LRCH1: variants seen among roughly 807,000 people sequenced by gnomAD.
The protein encoded by LRCH1 is leucine-rich repeat and calponin homology domain-containing protein 1.
Under a neutral mutation model 94.9 loss-of-function variants are expected in LRCH1, and 23 were observed. The observed-to-expected ratio is 0.24, with a 90% CI of 0.17 to 0.34. LRCH1 has a LOEUF of 0.34. Among genes scored for constraint, LRCH1 ranks in the 10% least tolerant of loss-of-function variants. The pLI is 1.00. For synonymous variants in LRCH1, 364 were observed against 354.9 expected, an observed-to-expected ratio of 1.03 and a Z score of -0.29; for missense variants, 790 against 945.9, an observed-to-expected ratio of 0.84 and a Z score of 2.16.
chr13:46,727,212 A>G (rs1872867043), intron 17 of LRCH1, among the ~76,000 whole-genome samples: 1 of 152,212 alleles, frequency 6.6e-6, no homozygotes, highest in Admixed American at 6.5e-5. Flanking sequence ...GGAAATTGGG[A>G]GCTGAAAAAT....
chr13:46,574,854 G>A (rs2050285210), intron 1 of LRCH1, among the ~76,000 whole-genome samples: 1 of 121,714 alleles, frequency 8.2e-6, no homozygotes, highest in Non-Finnish European at 1.7e-5. Context: ...TTTGGTGTAT[G>A]GGCTATTTAT....
chr13:46,657,390 A>AGATT (rs2051383098), intron 2 of LRCH1, among the ~76,000 whole-genome samples: 1 of 146,200 alleles, frequency 6.8e-6, no homozygotes, highest in East Asian at 2.0e-4. Flanking sequence ...AAAAAGAGAG[A>AGATT]TTTTTTTTTT....
chr13:46,562,073 T>G (rs188777996), intron 1 of LRCH1, among the ~76,000 whole-genome samples: 2 of 152,330 alleles, frequency 1.3e-5, no homozygotes, highest in East Asian at 3.9e-4. Flanking sequence ...AGAAAAACAT[T>G]GATGGATTAC....
intron 1 of LRCH1, among the ~76,000 whole-genome samples, chr13:46,589,255 C>G (rs1053522123): frequency 2.6e-5 from 4 of 152,002 alleles, no homozygotes; most frequent in African/African-American, 7.2e-5. Context: ...CCAGGCTGGT[C>G]TCAGACTCAA....
At chr13:46,592,841 A>G (rs550386583) in intron 1 of LRCH1, among the ~76,000 whole-genome samples, 31 of 152,138 alleles carry the variant, frequency 2.0e-4, no homozygotes, top group Non-Finnish European at 2.8e-4. Context: ...TTAGACTGAT[A>G]GATCCCTTCA....
intron 19 of LRCH1, among the ~76,000 whole-genome samples, chr13:46,735,136 A>T (rs78777164): frequency 0.012 from 1,450 of 124,520 alleles, 28 homozygotes; most frequent in African/African-American, 0.034. Context: ...GAAGCTTACA[A>T]ATTTATTTTT....
intron 1 of LRCH1, among the ~76,000 whole-genome samples, chr13:46,587,264 C>A (rs2050445793): frequency 6.6e-6 from 1 of 152,162 alleles, no homozygotes; most frequent in African/African-American, 2.4e-5. Flanking sequence ...ATATGTGGCA[C>A]ACTTTCTTCA....
chr13:46,734,274 G>T (rs564821054), intron 19 of LRCH1, among the ~76,000 whole-genome samples: 1 of 152,070 alleles, frequency 6.6e-6, no homozygotes, highest in Non-Finnish European at 1.5e-5. Context: ...ATTTTAATCC[G>T]CTTGATTCTC....
intron 1 of LRCH1, among the ~76,000 whole-genome samples, chr13:46,573,154 C>T (rs184626075): frequency 6.6e-6 from 1 of 152,210 alleles, no homozygotes; most frequent in Non-Finnish European, 1.5e-5. Flanking sequence ...TATTGTCACT[C>T]TCTCTTTCCA....
At chr13:46,719,816 G>T (rs564054491) in intron 16 of LRCH1, among the ~76,000 whole-genome samples, 1 of 151,940 alleles carries the variant, frequency 6.6e-6, no homozygotes, top group Admixed American at 6.6e-5. Flanking sequence ...TGGTCAACAT[G>T]GTGAAACCCT....
At chr13:46,614,335 G>A (rs1214146846) in intron 1 of LRCH1, among the ~76,000 whole-genome samples, 1 of 152,078 alleles carries the variant, frequency 6.6e-6, no homozygotes, top group Non-Finnish European at 1.5e-5. Flanking sequence ...GAATTCTGGG[G>A]GCCTTTTGTC....
intron 1 of LRCH1, among the ~76,000 whole-genome samples, chr13:46,594,603 G>GGA (rs898843286): frequency 6.6e-6 from 1 of 152,112 alleles, no homozygotes; most frequent in Non-Finnish European, 1.5e-5. Flanking sequence ...GAAGGTTGGT[G>GGA]GAGAGAGAGA....
exon 19 of LRCH1, chr13:46,750,722 G>C (rs1054425034): frequency 9.7e-7 from 1 of 1,029,544 alleles, no homozygotes; most frequent in Non-Finnish European, 1.5e-6. Flanking sequence ...CCAGGCACCT[G>C]TTCAACCCTC....
intron 1 of LRCH1, among the ~76,000 whole-genome samples, chr13:46,599,065 C>G (rs2050598253): frequency 6.6e-6 from 1 of 152,106 alleles, no homozygotes; most frequent in African/African-American, 2.4e-5. Flanking sequence ...CCCTAGGTAC[C>G]TTATATAAAT....
At chr13:46,749,083 AC>A (rs2138262678), downstream of LRCH1, among the ~76,000 whole-genome samples, 1 of 152,330 alleles carries the variant, frequency 6.6e-6, no homozygotes, top group African/African-American at 2.4e-5. Context: ...AGCAAGTGTC[AC>A]GTGGAAGGAA....
chr13:46,553,242 C>A lies in LRCH1; in HGVS notation c.-155C>A, dbSNP rs1231900534. ...CACGGCCGCCTCCCCGCCCGCCCCC[C>A]ATTCTACGCGCCTGCCCACACCCTC... On this transcript the variant is annotated 5_prime_UTR_variant, in exon 1 of 20. Transcript: ENST00000389797. 7.0e-6 allele frequency: 4 copies of A among 568,570 alleles called. No individual in the cohort carries two copies. The East Asian group carries it at 9.9e-5, about 14-fold the overall frequency. 35.2% of individuals were successfully genotyped at this position (568,570 alleles called of 1,614,324 possible). A position where few individuals can be genotyped will look rare whatever the true frequency, so the allele number is the denominator to read the frequency against.
chr13:46,573,853 TATATATATATA>T (rs2050268451), intron 1 of LRCH1, among the ~76,000 whole-genome samples: 2 of 74,088 alleles, frequency 2.7e-5, no homozygotes, highest in Non-Finnish European at 4.7e-5. Context: ...CAAATATATA[TATATATATATA>T]TATTTTTTTT....
In LRCH1 at chr13:46,743,600, C is replaced by T. The variant is rs78552993; in HGVS notation, c.*1752C>T. 5,805 of 985,554 alleles carry T rather than the reference C, an allele frequency of 5.9e-3. 237 individuals carry two copies. The African/African-American group carries it at 0.087, about 15-fold the overall frequency. The allele number at this position is 985,554 out of a possible 1,614,324, so 61.1% of individuals were successfully genotyped here. On this transcript the variant is annotated 3_prime_UTR_variant, in exon 20 of 20. Transcript: ENST00000389797. ...ATAAACACATTTTGGGTGATTATTC[C>T]AAGTTTTTATCAGCCCATTGATACA...
At chr13:46,558,681 C>A (rs916417711) in intron 1 of LRCH1, among the ~76,000 whole-genome samples, 1 of 150,816 alleles carries the variant, frequency 6.6e-6, no homozygotes, top group South Asian at 2.1e-4. Context: ...TGTAGTGAGC[C>A]GAGGTTGCGC....
Sources: gnomAD v4.1 joint callset for allele counts (sites outside exome capture counted in the v4.1 genomes callset) on GRCh38, gnomAD v4.1.1 for gene constraint, MANE v1.5 for transcripts, NCBI Gene and HGNC (gene_info 2026-07-23, HGNC 2026-07-21) for gene names.